RUNX1T1: variants seen among roughly 807,000 people sequenced by gnomAD.
RUNX1T1 encodes the protein protein CBFA2T1.
In RUNX1T1, 4 loss-of-function variants were observed where a neutral mutation model predicts 62.8. The ratio of observed to expected loss-of-function variants is 0.06; its 90% CI spans 0.03 to 0.15. The LOEUF (loss-of-function observed/expected upper bound fraction) is 0.15. Ranked by LOEUF, RUNX1T1 falls within the 10% of genes least tolerant of loss-of-function variation. The pLI, the probability that RUNX1T1 is intolerant of heterozygous loss-of-function variation, is 1.00. For missense variants in RUNX1T1, 508 were observed against 754.3 expected, an observed-to-expected ratio of 0.67 and a Z score of 3.82; for synonymous variants, 291 against 286.0, an observed-to-expected ratio of 1.02 and a Z score of -0.18.
chr8:92,060,853 C>T (rs533042209), intron 1 of RUNX1T1, among the ~76,000 whole-genome samples: 8 of 152,090 alleles, frequency 5.3e-5, no homozygotes, highest in African/African-American at 1.7e-4. Context: ...GCCATTCTGG[C>T]ACATGCTCAT....
upstream of RUNX1T1, chr8:92,102,897 C>T: frequency 6.6e-7 from 1 of 1,518,234 alleles, no homozygotes; most frequent in South Asian, 1.2e-5. The surrounding 1 kb of genome is among the most constrained non-coding windows in gnomAD (Gnocchi z 4.5). Flanking sequence ...GCCACAGGCT[C>T]CGAGCTGCAA....
At chr8:92,008,216 G>C (rs1009230955) in intron 4 of RUNX1T1, among the ~76,000 whole-genome samples, 2 of 151,854 alleles carry the variant, frequency 1.3e-5, no homozygotes, top group African/African-American at 4.8e-5. Context: ...AACAAATGAG[G>C]AGACAAAAAA....
intron 2 of RUNX1T1, among the ~76,000 whole-genome samples, chr8:92,072,722 A>G (rs1208545637): frequency 2.6e-5 from 4 of 152,246 alleles, no homozygotes; most frequent in African/African-American, 9.6e-5. Flanking sequence ...TCAAAGCTCC[A>G]TGTGGGGTAA....
At chr8:92,065,914 T>A (rs1052548817), upstream of RUNX1T1, among the ~76,000 whole-genome samples, 1 of 152,178 alleles carries the variant, frequency 6.6e-6, no homozygotes, top group Admixed American at 6.5e-5. Flanking sequence ...TTGATCCTAA[T>A]TGAAAGCAAT....
intron 6 of RUNX1T1, among the ~76,000 whole-genome samples, chr8:91,990,566 T>G (rs1335258951): frequency 2.6e-5 from 4 of 152,218 alleles, no homozygotes; most frequent in African/African-American, 9.6e-5. Context: ...TTTAAAAACT[T>G]ACCTTGTTCA....
chr8:91,996,444 G>A (rs1161991025), intron 5 of RUNX1T1, among the ~76,000 whole-genome samples: 9 of 152,220 alleles, frequency 5.9e-5, no homozygotes, highest in South Asian at 4.1e-4. Flanking sequence ...CTCGCGATCC[G>A]CCCGCCTCGG....
intron 1 of RUNX1T1, among the ~76,000 whole-genome samples, chr8:92,079,441 T>A (rs1834902038): frequency 6.6e-6 from 1 of 152,120 alleles, no homozygotes; most frequent in African/African-American, 2.4e-5. Flanking sequence ...CAATTGTGTG[T>A]CCCTCTAATT....
In RUNX1T1 at chr8:92,069,070, A is replaced by G. The variant is rs929656566; in HGVS notation, c.88+6895T>C. ...AAATGCAAACTGGTTCTCTTCTGAT[A>G]ATGTCTATTCTTAAAAATAATGCAA... On this transcript the variant is annotated intron_variant, in intron 2 of 11. Coordinates refer to the RUNX1T1 transcript ENST00000265814. Among the ~76,000 whole-genome samples the G allele has an allele frequency of 5.3e-5, 8 of 152,172 alleles. No individual in the cohort carries two copies. The South Asian group carries it at 8.3e-4, about 16-fold the overall frequency.
At chr8:91,959,488 GTATATATATA>G (rs60438153) in exon 11 of RUNX1T1, 20 of 86,598 alleles carry the variant, frequency 2.3e-4, no homozygotes, top group African/African-American at 6.5e-4. Context: ...GTGTGTGTGT[GTATATATATA>G]TATATATATA....
At chr8:92,093,725 G>C (rs1837375569) in intron 1 of RUNX1T1, among the ~76,000 whole-genome samples, 1 of 152,142 alleles carries the variant, frequency 6.6e-6, no homozygotes, top group Non-Finnish European at 1.5e-5. Context: ...AAGAATGAAT[G>C]TCACTCATGC....
chr8:91,967,048 A>G (rs1283772539), intron 10 of RUNX1T1, among the ~76,000 whole-genome samples: 1 of 152,218 alleles, frequency 6.6e-6, no homozygotes. Flanking sequence ...ACACTGAGCA[A>G]GTGGCCTAAT....
At chr8:92,005,600 C>A in intron 4 of RUNX1T1, 1 of 293,518 alleles carries the variant, frequency 3.4e-6, no homozygotes, top group Non-Finnish European at 6.3e-6. Context: ...GTATGTTCTA[C>A]GGTATGTGAG....
intron 1 of RUNX1T1, among the ~76,000 whole-genome samples, chr8:92,033,316 T>C (rs916230129): frequency 7.2e-5 from 11 of 152,212 alleles, no homozygotes; most frequent in African/African-American, 2.7e-4. Context: ...GGGGGGAAGT[T>C]ACAAAGCAGT....
At chr8:92,002,940 C>T (rs1820050542) in intron 5 of RUNX1T1, among the ~76,000 whole-genome samples, 1 of 152,164 alleles carries the variant, frequency 6.6e-6, no homozygotes, top group Non-Finnish European at 1.5e-5. Flanking sequence ...CCCATATTTT[C>T]TTGGCTCTGA....
intron 6 of RUNX1T1, among the ~76,000 whole-genome samples, chr8:91,987,347 C>T (rs983439411): frequency 1.3e-5 from 2 of 152,052 alleles, no homozygotes; most frequent in Non-Finnish European, 2.9e-5. Flanking sequence ...CATTGCTGTC[C>T]TGCATTAAAA....
chr8:92,099,728 G>C (rs1837953356), upstream of RUNX1T1: 13 of 732,206 alleles, frequency 1.8e-5, no homozygotes, highest in Non-Finnish European at 2.2e-5. Flanking sequence ...GTGCCTGTCA[G>C]CTGATGTTCA....
chr8:92,070,353 T>C (rs1168204161), intron 2 of RUNX1T1, among the ~76,000 whole-genome samples: 1 of 152,212 alleles, frequency 6.6e-6, no homozygotes, highest in Non-Finnish European at 1.5e-5. Flanking sequence ...AATATATTTA[T>C]ATGTTTTCTT....
At chr8:91,999,144 T>C (rs1484326940) in intron 5 of RUNX1T1, among the ~76,000 whole-genome samples, 2 of 152,280 alleles carry the variant, frequency 1.3e-5, no homozygotes, top group East Asian at 3.9e-4. Context: ...TTCTTTACCA[T>C]TAAAATGATT....
At chr8:92,037,249 G>A (rs1431722516) in intron 1 of RUNX1T1, among the ~76,000 whole-genome samples, 1 of 152,220 alleles carries the variant, frequency 6.6e-6, no homozygotes, top group African/African-American at 2.4e-5. Flanking sequence ...TGTTGAGAAG[G>A]AGGGAGGGCA....
Sources: gnomAD v4.1 joint callset for allele counts (sites outside exome capture counted in the v4.1 genomes callset) on GRCh38, gnomAD v4.1.1 for gene constraint, Gnocchi (gnomAD v3.1) non-coding constraint, MANE v1.5 for transcripts, NCBI Gene and HGNC (gene_info 2026-07-23, HGNC 2026-07-21) for gene names.